Variants in ATP7B observed in about 807,000 individuals in gnomAD.
ATP7B encodes ATPase copper transporting beta.
In ATP7B, 113 loss-of-function variants were observed where a neutral mutation model predicts 118.9. That is an observed-to-expected ratio of 0.95 (90% CI 0.82 to 1.11). The LOEUF is 1.11. ATP7B is among the 50% of genes most tolerant of loss of function. The pLI is 0.00. For synonymous variants in ATP7B, 777 were observed against 727.4 expected, an observed-to-expected ratio of 1.07 and a Z score of -1.10; for missense variants, 1,867 against 1,871.4, an observed-to-expected ratio of 1.00 and a Z score of 0.04.
At chr13:51,939,285 A>G in intron 16 of ATP7B, 92 bp from the exon 17 acceptor site, 1 of 1,568,100 alleles carries the variant, frequency 6.4e-7, no homozygotes, top group Non-Finnish European at 8.6e-7. Context: ...ATATAATATT[A>G]TGTGCAAAAA....
chr13:51,941,432 C>T (rs973745616), intron 15 of ATP7B, among the ~76,000 whole-genome samples: 6 of 151,480 alleles, frequency 4.0e-5, no homozygotes, highest in African/African-American at 1.5e-4. Context: ...TAAGATGGGG[C>T]ATTAATAGTA....
chr13:52,002,961 A>G (rs199595507), intron 1 of ATP7B, among the ~76,000 whole-genome samples: 7 of 152,248 alleles, frequency 4.6e-5, no homozygotes, highest in Non-Finnish European at 8.8e-5. Flanking sequence ...CCTTGCTTCA[A>G]TGCTGAGGAC....
At chr13:52,010,809 T>C (rs578014405) in intron 1 of ATP7B, among the ~76,000 whole-genome samples, 1 of 152,386 alleles carries the variant, frequency 6.6e-6, no homozygotes, top group Admixed American at 6.5e-5. Context: ...AAAATAGATC[T>C]GCTTTTTGTG....
In ATP7B at chr13:51,975,454, C is replaced by T. The variant is rs1003102101; in HGVS notation, c.52-286G>A. On this transcript the variant is annotated intron_variant, in intron 1 of 20. Transcript: ENST00000242839. ...TCTGAGGGAAAGAAGGAAAGCACGA[C>T]ACAGCTTTACATATGGAATGCAGCA... is the stretch of plus-strand genomic sequence containing the variant. 25 of 585,828 alleles carry T rather than the reference C, an allele frequency of 4.3e-5. No homozygotes were observed. The African/African-American group carries it at 4.4e-4, about 10-fold the overall frequency. The allele number at this position is 585,828 out of a possible 1,614,324, so 36.3% of individuals were successfully genotyped here.
chr13:51,981,003 G>A (rs1177467032), intron 1 of ATP7B, among the ~76,000 whole-genome samples: 1 of 152,170 alleles, frequency 6.6e-6, no homozygotes, highest in Non-Finnish European at 1.5e-5. Context: ...TAATGATTCT[G>A]AGTGTTATTT....
At chr13:52,009,275 T>C (rs1009523789) in intron 1 of ATP7B, among the ~76,000 whole-genome samples, 3 of 152,222 alleles carry the variant, frequency 2.0e-5, no homozygotes, top group Admixed American at 6.5e-5. Flanking sequence ...TGAGCATCTG[T>C]TGAGAACCTC....
At position 51,950,039 on chromosome 13, in the gene ATP7B, C is replaced by T. The variant is rs979630897; in HGVS notation, c.2698G>A (p.Val900Met). 1 of 1,614,110 alleles carries T rather than the reference C, an allele frequency of 6.2e-7. No individual in the cohort carries two copies. The highest frequency in any genetic ancestry group is 1.7e-5 in the Admixed American group (1 of 60,004). ...ATCTGAGCCTCTTCCACCAGTTTCA[C>T]AATCTGAGCCAAAGTGGTGTCATTG... ...VGNDTTLAQI[V>M]KLVEEAQMSK... Residue 900 changes from valine (V) to methionine (M), a missense_variant, in exon 11 of 21, where the codon GTG becomes ATG. By Grantham distance (21) the Val-to-Met change is conservative. Coordinates refer to ENST00000242839, the MANE Select transcript of ATP7B (RefSeq NM_000053.4).
chr13:51,948,155 G>C (rs888855010), intron 12 of ATP7B, among the ~76,000 whole-genome samples: 1 of 152,032 alleles, frequency 6.6e-6, no homozygotes, highest in Non-Finnish European at 1.5e-5. Flanking sequence ...GAAATTTGAG[G>C]GAGAAAATAC....
At chr13:51,942,598 G>C (rs768717223) in intron 14 of ATP7B, 44 bp from the exon 15 acceptor site, 1 of 1,611,332 alleles carries the variant, frequency 6.2e-7, no homozygotes, top group Non-Finnish European at 8.5e-7. Flanking sequence ...TAAGCCAAGA[G>C]GGGTGAAGTG....
chr13:51,982,638 G>C (rs1952475825), intron 1 of ATP7B, among the ~76,000 whole-genome samples: 1 of 152,174 alleles, frequency 6.6e-6, no homozygotes, highest in Non-Finnish European at 1.5e-5. Flanking sequence ...TGGCAAGATG[G>C]CCGAATAGGA....
intron 13 of ATP7B, among the ~76,000 whole-genome samples, chr13:51,945,793 A>G (rs1957608930): frequency 6.6e-6 from 1 of 152,206 alleles, no homozygotes; most frequent in Non-Finnish European, 1.5e-5. Context: ...AAATAGGTGA[A>G]AGTGTGGAAG....
intron 1 of ATP7B, among the ~76,000 whole-genome samples, chr13:51,999,452 T>C (rs1169846658): frequency 6.6e-6 from 1 of 151,838 alleles, no homozygotes; most frequent in East Asian, 1.9e-4. Context: ...ACTGAAGGAG[T>C]GCTCTTAAAT....
chr13:51,937,154 AC>A, intron 19 of ATP7B, 121 bp downstream of exon 19: 16 of 836,100 alleles, frequency 1.9e-5, no homozygotes, highest in African/African-American at 3.5e-5. Flanking sequence ...AAAAAAAAAA[AC>A]AGCCTTTCTA....
At chr13:52,000,423 A>G (rs921948706) in intron 1 of ATP7B, among the ~76,000 whole-genome samples, 2 of 152,174 alleles carry the variant, frequency 1.3e-5, no homozygotes, top group Admixed American at 6.5e-5. Context: ...ATCACCTCCT[A>G]AAGTCCTCAC....
Position 52,005,739 on chromosome 13 carries a change from C to A in ATP7B, c.51+5548G>T, listed in dbSNP as rs1953736200. ...TCTACCCTTTACCCAGTTCCAAAGC[C>A]AACTCTGCATTTTCAGGGATCTGTT... On this transcript the variant is annotated intron_variant, in intron 1 of 20. Coordinates refer to ENST00000242839, the MANE Select transcript of ATP7B (RefSeq NM_000053.4). 2.0e-5 allele frequency among the ~76,000 whole-genome samples: 3 copies of A among 152,158 alleles called. No homozygotes were observed. The South Asian group carries it at 6.2e-4, about 32-fold the overall frequency.
chr13:51,965,827 A>C (rs1043618245), intron 4 of ATP7B, among the ~76,000 whole-genome samples: 7 of 152,208 alleles, frequency 4.6e-5, no homozygotes, highest in African/African-American at 1.7e-4. Context: ...GAAGTCACTG[A>C]GGGGTAATGA....
At position 51,982,988 on chromosome 13, in the gene ATP7B, G is replaced by A. The variant is rs1011351007; in HGVS notation, c.52-7820C>T. 9.2e-5 allele frequency among the ~76,000 whole-genome samples: 14 copies of A among 152,284 alleles called. No individual in the cohort carries two copies. In the East Asian group the frequency reaches 1.7e-3, roughly 19 times the overall value. On this transcript the variant is annotated intron_variant, in intron 1 of 20. Transcript: ENST00000242839. ...GTTTCAAGCACAAAACTGGACAGCCGTTTGGGCAGACACCAAGCTAGCTGC... is the reference window on the plus strand; with the variant it reads ...GTTTCAAGCACAAAACTGGACAGCCATTTGGGCAGACACCAAGCTAGCTGC...
chr13:51,981,203 G>A (rs575624239), intron 1 of ATP7B, among the ~76,000 whole-genome samples: 6 of 152,266 alleles, frequency 3.9e-5, no homozygotes, highest in Non-Finnish European at 7.4e-5. Flanking sequence ...AACTTTTAGA[G>A]TAACCTTTTC....
At chr13:51,997,069 A>G (rs1282283772) in intron 1 of ATP7B, among the ~76,000 whole-genome samples, 1 of 152,210 alleles carries the variant, frequency 6.6e-6, no homozygotes, top group Non-Finnish European at 1.5e-5. Context: ...ATGTAAATAC[A>G]TCAGGTGCAT....
Sources: gnomAD v4.1 joint callset for allele counts (sites outside exome capture counted in the v4.1 genomes callset) on GRCh38, gnomAD v4.1.1 for gene constraint, MANE v1.5 for transcripts, NCBI Gene and HGNC (gene_info 2026-07-23, HGNC 2026-07-21) for gene names.